The following SMIM20 variants were observed in gnomAD, a reference collection of about 807,000 sequenced individuals.
The protein encoded by SMIM20 is mitochondrial translation regulation assembly intermediate of cytochrome c oxidase protein of 7 kDa.
SMIM20 carries 3 observed loss-of-function variants against 8.7 expected under a neutral mutation model. That is an observed-to-expected ratio of 0.34 (90% CI 0.16 to 0.89). SMIM20 has a LOEUF of 0.89. SMIM20 is among the 40% of genes least tolerant of loss of function. The pLI is 0.49. For synonymous variants in SMIM20, 44 were observed against 33.6 expected (o/e 1.31, Z -1.07); for missense variants, 85 against 84.8 (o/e 1.00, Z -0.01).
intron 1 of SMIM20, among the ~76,000 whole-genome samples, chr4:25,927,547 T>G (rs1233312679): frequency 6.6e-6 from 1 of 152,238 alleles, no homozygotes; most frequent in Non-Finnish European, 1.5e-5. Context: ...TAAACGTCCT[T>G]TGGCTCTAAG....
At chr4:25,923,828 C>T (rs971056526) in intron 1 of SMIM20, among the ~76,000 whole-genome samples, 5 of 152,222 alleles carry the variant, frequency 3.3e-5, no homozygotes, top group Non-Finnish European at 7.3e-5. Context: ...ACCACATAAT[C>T]GAATGAAATG....
At chr4:25,928,982 C>A (rs1477874776) in intron 2 of SMIM20, among the ~76,000 whole-genome samples, 172 bp from the exon 3 acceptor site, 1 of 152,212 alleles carries the variant, frequency 6.6e-6, no homozygotes, top group African/African-American at 2.4e-5. Context: ...TTATGGCAGC[C>A]ATGGCTTCCT....
At chr4:25,926,180 G>A (rs1293959943) in intron 1 of SMIM20, among the ~76,000 whole-genome samples, 1 of 152,134 alleles carries the variant, frequency 6.6e-6, no homozygotes, top group East Asian at 1.9e-4. Flanking sequence ...CCAAAGATAG[G>A]GAAATAGAAG....
At chr4:25,922,916 A>G (rs1719224061) in intron 1 of SMIM20, among the ~76,000 whole-genome samples, 1 of 152,206 alleles carries the variant, frequency 6.6e-6, no homozygotes. Context: ...AGGTAAAACA[A>G]AGCCAAGGAG....
intron 1 of SMIM20, among the ~76,000 whole-genome samples, chr4:25,916,122 T>C (rs1410039739): frequency 1.3e-5 from 2 of 152,252 alleles, no homozygotes; most frequent in Non-Finnish European, 2.9e-5. Flanking sequence ...AATCAGGTGA[T>C]GTTCATCTGT....
intron 1 of SMIM20, among the ~76,000 whole-genome samples, chr4:25,915,183 G>A (rs535354494): frequency 6.6e-6 from 1 of 152,166 alleles, no homozygotes; most frequent in East Asian, 1.9e-4. Context: ...TGCTCACATG[G>A]TAATGGTGAA....
At chr4:25,924,429 G>A (rs888510440) in intron 1 of SMIM20, among the ~76,000 whole-genome samples, 1 of 152,004 alleles carries the variant, frequency 6.6e-6, no homozygotes, top group Non-Finnish European at 1.5e-5. Flanking sequence ...CCGAGATCAC[G>A]CCACTGTACT....
chr4:25,917,037 A>C (rs573741324), intron 1 of SMIM20, among the ~76,000 whole-genome samples: 209 of 152,280 alleles, frequency 1.4e-3, no homozygotes, highest in African/African-American at 4.7e-3. Flanking sequence ...CAGCTGCTAT[A>C]TGATCATCAT....
chr4:25,928,426 G>T (rs1711566078), intron 2 of SMIM20, 57 bp downstream of exon 2: 2 of 1,504,834 alleles, frequency 1.3e-6, no homozygotes, highest in Non-Finnish European at 8.9e-7. Flanking sequence ...GTGTTGTGCG[G>T]GTTTGTGTGT....
chr4:25,929,254 G>GTACA lies in SMIM20; in HGVS notation c.*64_*67dup. 6.6e-7 allele frequency: 1 copy of GTACA among 1,515,952 alleles called. No homozygotes were observed. Among genetic ancestry groups the GTACA allele is most frequent in the Non-Finnish European group, 9.0e-7 (1 of 1,115,062 alleles). 93.9% of individuals were successfully genotyped at this position (1,515,952 alleles called of 1,614,324 possible). Reference sequence around the variant, plus strand: ...CTTCATGCTTTCGATTCTGCATGGGGTACAGCCAGTCACCTCACCAGAGAA... The same window carrying GTACA: ...CTTCATGCTTTCGATTCTGCATGGGGTACATACAGCCAGTCACCTCACCAGAGAA... On this transcript the variant is annotated 3_prime_UTR_variant, in exon 3 of 3. Transcript: ENST00000506197.
At chr4:25,918,057 C>T (rs957841112) in intron 1 of SMIM20, among the ~76,000 whole-genome samples, 2 of 151,898 alleles carry the variant, frequency 1.3e-5, no homozygotes, top group Admixed American at 6.6e-5. Context: ...ATTCTCCTGC[C>T]TCAGCCTCCC....
intron 1 of SMIM20, among the ~76,000 whole-genome samples, chr4:25,923,647 CT>C (rs1719237712): frequency 6.6e-6 from 1 of 152,200 alleles, no homozygotes; most frequent in African/African-American, 2.4e-5. Flanking sequence ...AGTTCTGCTG[CT>C]TCTCAGTCCT....
chr4:25,916,038 T>C (rs188374524), intron 1 of SMIM20, among the ~76,000 whole-genome samples: 74 of 152,314 alleles, frequency 4.9e-4, no homozygotes, highest in South Asian at 4.4e-3. Flanking sequence ...TGGGGACTTG[T>C]ACTGTGTATC....
chr4:25,925,629 T>C (rs906884216), intron 1 of SMIM20, among the ~76,000 whole-genome samples: 6 of 152,168 alleles, frequency 3.9e-5, no homozygotes, highest in Non-Finnish European at 7.4e-5. Flanking sequence ...TTTTTTATTT[T>C]AGGTTTCTGT....
chr4:25,914,451 CCTGA>C, intron 1 of SMIM20, 29 bp downstream of exon 1: 5 of 1,438,374 alleles, frequency 3.5e-6, no homozygotes, highest in Non-Finnish European at 4.6e-6. Context: ...CTTGCGGTGA[CCTGA>C]CTCCCCAACA....
chr4:25,924,946 C>T (rs1719261212), intron 1 of SMIM20, among the ~76,000 whole-genome samples: 1 of 152,118 alleles, frequency 6.6e-6, no homozygotes. Context: ...AATTTAGTTT[C>T]ATGCACAAAA....
intron 1 of SMIM20, among the ~76,000 whole-genome samples, chr4:25,920,735 A>G (rs1299408782): frequency 6.6e-6 from 1 of 152,190 alleles, no homozygotes; most frequent in Non-Finnish European, 1.5e-5. Context: ...CAAGGTAAAT[A>G]TCCTATTTGG....
At chr4:25,929,045 C>T in intron 2 of SMIM20, 109 bp from the exon 3 acceptor site, 1 of 1,343,638 alleles carries the variant, frequency 7.4e-7, no homozygotes, top group Non-Finnish European at 1.0e-6. Context: ...TCAAACTACA[C>T]TGTAAATTGC....
chr4:25,924,117 G>T (rs1417127709), intron 1 of SMIM20, among the ~76,000 whole-genome samples: 1 of 152,166 alleles, frequency 6.6e-6, no homozygotes, highest in Non-Finnish European at 1.5e-5. Flanking sequence ...CTTGGCCCCT[G>T]GTTCACACTC....
Sources: gnomAD v4.1 joint callset for allele counts (sites outside exome capture counted in the v4.1 genomes callset) on GRCh38, gnomAD v4.1.1 for gene constraint, MANE v1.5 for transcripts, NCBI Gene and HGNC (gene_info 2026-07-23, HGNC 2026-07-21) for gene names.